The following MAGI2 variants were observed in gnomAD, a reference collection of about 807,000 sequenced individuals.
MAGI2 encodes membrane-associated guanylate kinase, WW and PDZ domain-containing protein 2.
Under a neutral mutation model 133.3 loss-of-function variants are expected in MAGI2, and 35 were observed. The ratio of observed to expected loss-of-function variants is 0.26; its 90% confidence interval spans 0.20 to 0.35. The LOEUF (loss-of-function observed/expected upper bound fraction) is 0.35, where lower values mean the gene tolerates loss of function less well. Among genes scored for constraint, MAGI2 ranks in the 10% least tolerant of loss-of-function variants. MAGI2 has a pLI of 1.00. For missense variants in MAGI2, 1,636 were observed against 1,863.4 expected (o/e 0.88, Z 2.25); for synonymous variants, 729 against 710.6 (o/e 1.03, Z -0.41).
intron 2 of MAGI2, among the ~76,000 whole-genome samples, chr7:78,649,745 C>G (rs1811343337): frequency 1.3e-5 from 2 of 151,994 alleles, no homozygotes; most frequent in Admixed American, 6.6e-5. Context: ...TCAGGTCATA[C>G]AGATGGGAAC....
intron 2 of MAGI2, among the ~76,000 whole-genome samples, chr7:78,762,993 C>A (rs1308910455): frequency 6.6e-6 from 1 of 152,140 alleles, no homozygotes; most frequent in Admixed American, 6.6e-5. Context: ...TTAATTCAGG[C>A]AATCTCAGAC....
At chr7:78,233,570 A>G (rs1166233013) in intron 10 of MAGI2, among the ~76,000 whole-genome samples, 2 of 152,152 alleles carry the variant, frequency 1.3e-5, no homozygotes, top group Non-Finnish European at 2.9e-5. Flanking sequence ...CCATACTTGG[A>G]TAATCTTTCA....
intron 2 of MAGI2, among the ~76,000 whole-genome samples, chr7:78,759,216 A>T (rs1260631624): frequency 1.3e-5 from 2 of 151,742 alleles, no homozygotes; most frequent in Non-Finnish European, 2.9e-5. Flanking sequence ...AGTCAGAAAT[A>T]ATAAAAAAAA....
intron 1 of MAGI2, among the ~76,000 whole-genome samples, chr7:79,345,970 C>T (rs1841284363): frequency 6.6e-6 from 1 of 152,022 alleles, no homozygotes; most frequent in Non-Finnish European, 1.5e-5. Flanking sequence ...GCAATAACTT[C>T]CATTGTTAAG....
intron 11 of MAGI2, among the ~76,000 whole-genome samples, chr7:78,200,497 C>G (rs1014588976): frequency 1.3e-5 from 2 of 152,088 alleles, no homozygotes; most frequent in African/African-American, 2.4e-5. Context: ...GATTCAGAAG[C>G]ACCATTTTGA....
At chr7:78,704,595 C>A (rs543933828) in intron 2 of MAGI2, among the ~76,000 whole-genome samples, 30 of 151,994 alleles carry the variant, frequency 2.0e-4, no homozygotes, top group Non-Finnish European at 2.8e-4. Context: ...GAGACACATG[C>A]ATGCACATGT....
chr7:78,894,109 C>T (rs1463666457), intron 2 of MAGI2, among the ~76,000 whole-genome samples: 2 of 152,136 alleles, frequency 1.3e-5, no homozygotes, highest in Admixed American at 6.5e-5. Flanking sequence ...TTTTTAAAAA[C>T]TGTTATTCTT....
At chr7:78,514,215 A>G (rs763980961) in intron 4 of MAGI2, among the ~76,000 whole-genome samples, 1 of 150,948 alleles carries the variant, frequency 6.6e-6, no homozygotes, top group Non-Finnish European at 1.5e-5. Context: ...TTCCCTTACT[A>G]AAATGGTATG....
chr7:78,449,061 T>A (rs779093432), intron 6 of MAGI2, among the ~76,000 whole-genome samples: 1 of 152,044 alleles, frequency 6.6e-6, no homozygotes, highest in Admixed American at 6.6e-5. Context: ...ACATAAAACA[T>A]TGTTATCTCT....
At chr7:79,081,831 TA>T (rs1241111414) in intron 1 of MAGI2, among the ~76,000 whole-genome samples, 5 of 152,124 alleles carry the variant, frequency 3.3e-5, no homozygotes, top group Non-Finnish European at 7.4e-5. Flanking sequence ...AGACCCTTCA[TA>T]AAAGCCACTT....
rs794727360 is a variant in MAGI2 at position 78,019,574 on chromosome 7, C to T, written c.4109G>A (p.Arg1370His). ...GCAGAGCTCGGAGCCCGCCGCCGCA[C>T]GGGGCGCCTCCTTCCCGCCCGCCCG... Reference protein sequence around the residue: ...AARAGGKEAPRAAAGSELCRR... With the variant: ...AARAGGKEAPHAAAGSELCRR... Residue 1370 changes from arginine (R) to histidine (H), a missense_variant, in exon 22 of 22, where the codon CGT becomes CAT. Physicochemically the swap from Arg to His is conservative, Grantham distance 29. Transcript: ENST00000354212. 17 of 980,352 alleles carry T rather than the reference C, an allele frequency of 1.7e-5. No homozygotes were observed. The highest frequency in any genetic ancestry group is 1.8e-5 in the Non-Finnish European group (15 of 828,116). The allele number at this position is 980,352 out of a possible 1,614,324, so 60.7% of individuals were successfully genotyped here. A position where few individuals can be genotyped will look rare whatever the true frequency, so the allele number is the denominator to read the frequency against.
intron 1 of MAGI2, among the ~76,000 whole-genome samples, chr7:79,122,747 C>A (rs561589088): frequency 6.6e-6 from 1 of 151,592 alleles, no homozygotes; most frequent in Non-Finnish European, 1.5e-5. Context: ...TGAGTTCAAG[C>A]GATTCTTCCA....
chr7:79,146,268 C>T (rs1394077127), intron 1 of MAGI2, among the ~76,000 whole-genome samples: 1 of 152,174 alleles, frequency 6.6e-6, no homozygotes, highest in African/African-American at 2.4e-5. Flanking sequence ...TGGATTTTTT[C>T]AGGCAACCAC....
rs185687884 is a variant in MAGI2 at position 78,664,099 on chromosome 7, C to T, written c.419-36860G>A. On this transcript the variant is annotated intron_variant, in intron 2 of 21. Transcript: ENST00000354212. Reference sequence around the variant, plus strand: ...ATATGCAAAGGCTACCAGAGAGTGTCTATTTAGTCATAGAGTCTATTAGTC... The same window carrying T: ...ATATGCAAAGGCTACCAGAGAGTGTTTATTTAGTCATAGAGTCTATTAGTC... Among the ~76,000 whole-genome samples, 231 of 152,240 alleles carry T rather than the reference C, an allele frequency of 1.5e-3. 1 individual carries two copies. The highest frequency in any genetic ancestry group is 5.3e-3 in the African/African-American group (222 of 41,556).
chr7:79,227,951 G>A (rs1830994865), intron 1 of MAGI2, among the ~76,000 whole-genome samples: 1 of 152,082 alleles, frequency 6.6e-6, no homozygotes, highest in Admixed American at 6.6e-5. Flanking sequence ...TAAAAGTGTT[G>A]GCACCACTGA....
At chr7:79,259,044 G>C (rs2129556260) in intron 1 of MAGI2, among the ~76,000 whole-genome samples, 1 of 152,252 alleles carries the variant, frequency 6.6e-6, no homozygotes, top group East Asian at 1.9e-4. Context: ...TTGTATTTCT[G>C]TACGTGGTTA....
rs1563101930 is a variant in MAGI2 at position 78,085,557 on chromosome 7, CACACACACACA to C, written c.3568-6483_3568-6473del. Among the ~76,000 whole-genome samples the C allele has an allele frequency of 5.0e-4, 68 of 137,216 alleles. 1 individual carries two copies. Among genetic ancestry groups the C allele is most frequent in the African/African-American group, 1.9e-3 (58 of 30,918 alleles). 90.0% of individuals were successfully genotyped at this position (137,216 alleles called of 152,430 possible). On this transcript the variant is annotated intron_variant, in intron 20 of 21. Transcript: ENST00000354212. ...AACAAAATAATAAAACTCCCACACA[CACACACACACA>C]CACACACACACACAAACAAAACAAA...
intron 2 of MAGI2, among the ~76,000 whole-genome samples, chr7:78,744,033 ATTACT>A (rs934114164): frequency 5.3e-5 from 8 of 152,154 alleles, no homozygotes; most frequent in South Asian, 2.1e-4. Context: ...ATGTTAGAAA[ATTACT>A]TTACATAAAG....
chr7:78,783,824 C>T (rs980119807), intron 2 of MAGI2, among the ~76,000 whole-genome samples: 1 of 152,128 alleles, frequency 6.6e-6, no homozygotes, highest in South Asian at 2.1e-4. Context: ...AGTGAAATCA[C>T]GTTTAATTTT....
Sources: allele counts gnomAD v4.1 joint callset (sites outside exome capture counted in the v4.1 genomes callset), GRCh38; gene constraint gnomAD v4.1.1; transcripts MANE v1.5; gene names NCBI Gene and HGNC (gene_info 2026-07-23, HGNC 2026-07-21).